The following DAB1 variants were observed in gnomAD, a reference collection of about 807,000 sequenced individuals.
The protein encoded by DAB1 is DAB adaptor protein 1.
DAB1 carries 15 observed loss-of-function variants against 64.6 expected under a neutral mutation model. The observed-to-expected ratio is 0.23, with a 90% CI of 0.16 to 0.36. The LOEUF is 0.36. Ranked by LOEUF, DAB1 falls within the 10% of genes least tolerant of loss-of-function variation. The pLI, the probability that DAB1 is intolerant of heterozygous loss-of-function variation, is 1.00. For synonymous variants in DAB1, 235 were observed against 251.9 expected, an observed-to-expected ratio of 0.93 and a Z score of 0.64; for missense variants, 596 against 706.7, an observed-to-expected ratio of 0.84 and a Z score of 1.78.
intron 4 of DAB1, among the ~76,000 whole-genome samples, chr1:58,205,675 A>C (rs558893419): frequency 6.6e-6 from 1 of 152,330 alleles, no homozygotes; most frequent in African/African-American, 2.4e-5. Flanking sequence ...ATTGGGGCCA[A>C]ACTATATGAT....
At chr1:57,535,731 A>T (rs1644719614) in intron 7 of DAB1, among the ~76,000 whole-genome samples, 1 of 152,166 alleles carries the variant, frequency 6.6e-6, no homozygotes, top group Non-Finnish European at 1.5e-5. Context: ...AAGTGCTGGG[A>T]TTACAGGCAT....
At chr1:57,473,625 A>G (rs899839599) in intron 7 of DAB1, among the ~76,000 whole-genome samples, 3 of 152,236 alleles carry the variant, frequency 2.0e-5, no homozygotes, top group Middle Eastern at 3.2e-3. Flanking sequence ...GCATTCCCAG[A>G]TGGTAGCTAT....
At chr1:57,984,249 AAAGAAAGAAAG>A in intron 5 of DAB1, among the ~76,000 whole-genome samples, 2 of 145,896 alleles carry the variant, frequency 1.4e-5, no homozygotes, top group Non-Finnish European at 3.0e-5. Context: ...AGAAAGAAAG[AAAGAAAGAAAG>A]AAAAAAAATT....
chr1:57,178,092 C>T (rs530652327), intron 2 of DAB1, among the ~76,000 whole-genome samples: 196 of 152,082 alleles, frequency 1.3e-3, no homozygotes, highest in African/African-American at 3.7e-3. Context: ...TATAAAAGTT[C>T]AAAAGTACCA....
intron 9 of DAB1, chr1:57,033,647 A>T: frequency 7.1e-7 from 1 of 1,409,984 alleles, no homozygotes. Flanking sequence ...GAGTTTAATG[A>T]TGACAGTATC....
In DAB1 at chr1:57,486,140, T is replaced by C. The variant is rs147229123; in HGVS notation, n.625+163452A>G. 6.8e-3 allele frequency among the ~76,000 whole-genome samples: 1,040 copies of C among 152,342 alleles called. 14 individuals carry two copies. The highest frequency in any genetic ancestry group is 0.024 in the African/African-American group (1,007 of 41,572). The stretch of plus-strand genomic sequence containing the variant: ...ATTAGTTGTAGCACCAGAGGATTTT[T>C]CAGGATTGCTTTAAATTATGCGCTC... On this transcript the variant is annotated intron_variant and non_coding_transcript_variant, in intron 7 of 20. Coordinates refer to the DAB1 transcript ENST00000485760.
chr1:58,071,407 G>GTGTGTGTGTGTGTGT (rs1491558909), intron 5 of DAB1: 1 of 106,116 alleles, frequency 9.4e-6, no homozygotes, highest in Non-Finnish European at 1.9e-5. Flanking sequence ...TGTGTGTGTG[G>GTGTGTGTGTGTGTGT]GTGGGGAGAG....
At chr1:57,219,522 G>A (rs907369169) in intron 2 of DAB1, among the ~76,000 whole-genome samples, 1 of 152,102 alleles carries the variant, frequency 6.6e-6, no homozygotes, top group African/African-American at 2.4e-5. Flanking sequence ...TGAGGGCTAG[G>A]GGAACCTGAC....
chr1:57,913,033 G>A (rs1172202238), intron 5 of DAB1, among the ~76,000 whole-genome samples: 1 of 152,194 alleles, frequency 6.6e-6, no homozygotes, highest in Non-Finnish European at 1.5e-5. Context: ...GTAATTTATA[G>A]ATTCAATGCC....
intron 7 of DAB1, among the ~76,000 whole-genome samples, chr1:57,587,453 A>T (rs1051103807): frequency 2.6e-5 from 4 of 152,170 alleles, no homozygotes; most frequent in African/African-American, 9.6e-5. Context: ...CTATCAGGAG[A>T]CTCTATCCCA....
chr1:57,601,051 C>T (rs1397377413), intron 7 of DAB1, among the ~76,000 whole-genome samples: 1 of 151,620 alleles, frequency 6.6e-6, no homozygotes, highest in African/African-American at 2.4e-5. Context: ...TTTTCCTTTT[C>T]CATGCAGAGA....
At chr1:57,142,629 C>CACACACACACACACAT (rs1286082605) in intron 3 of DAB1, among the ~76,000 whole-genome samples, 4 of 139,850 alleles carry the variant, frequency 2.9e-5, no homozygotes, top group Non-Finnish European at 6.1e-5. Flanking sequence ...CACACACACA[C>CACACACACACACACAT]ATACACACAC....
intron 3 of DAB1, among the ~76,000 whole-genome samples, chr1:58,380,790 T>C (rs964439428): frequency 1.3e-5 from 2 of 152,180 alleles, no homozygotes; most frequent in Admixed American, 6.5e-5. Context: ...GACACCATGA[T>C]GGGCATGGAG....
chr1:58,025,753 C>A (rs1048322502), intron 5 of DAB1, among the ~76,000 whole-genome samples: 3 of 148,252 alleles, frequency 2.0e-5, no homozygotes, highest in Non-Finnish European at 4.4e-5. Flanking sequence ...CCTCCTCTGT[C>A]TTTGGGGTCC....
rs567377732 is a variant in DAB1, at chr1:57,268,986, C to T, written c.67+21978G>A. 2.0e-4 allele frequency among the ~76,000 whole-genome samples: 30 copies of T among 152,196 alleles called. 1 individual carries two copies. The South Asian group carries it at 3.1e-3, about 16-fold the overall frequency. On this transcript the variant is annotated intron_variant, in intron 2 of 14. Coordinates refer to ENST00000371236, the MANE Select transcript of DAB1 (RefSeq NM_001365792.1). ...CAACAAAAGAAGTAGGTGCCATGAC[C>T]GAGCCAGGGAGATGGGGCCACTGGA...
At chr1:57,310,401 A>G (rs922376183) in intron 1 of DAB1, among the ~76,000 whole-genome samples, 1 of 152,188 alleles carries the variant, frequency 6.6e-6, no homozygotes, top group Non-Finnish European at 1.5e-5. Context: ...AGAACAGTGG[A>G]GATACTAGTA....
At chr1:57,740,443 C>T (rs965342213) in intron 6 of DAB1, among the ~76,000 whole-genome samples, 5 of 152,096 alleles carry the variant, frequency 3.3e-5, no homozygotes, top group Non-Finnish European at 4.4e-5. Context: ...AGCCCACATC[C>T]GAGTATTGTA....
At chr1:57,594,802 C>G (rs954728874) in intron 7 of DAB1, among the ~76,000 whole-genome samples, 1 of 152,180 alleles carries the variant, frequency 6.6e-6, no homozygotes, top group African/African-American at 2.4e-5. Flanking sequence ...GCTCCGCCTC[C>G]CGGGTTCACG....
chr1:57,904,505 A>G (rs928041759), intron 5 of DAB1, among the ~76,000 whole-genome samples: 1 of 152,208 alleles, frequency 6.6e-6, no homozygotes, highest in African/African-American at 2.4e-5. Context: ...ACAAACCAAC[A>G]AGAAAACTGA....
Sources: gnomAD v4.1 joint callset for allele counts (sites outside exome capture counted in the v4.1 genomes callset) on GRCh38, gnomAD v4.1.1 for gene constraint, MANE v1.5 for transcripts, NCBI Gene and HGNC (gene_info 2026-07-23, HGNC 2026-07-21) for gene names.